KIRREL3: variants seen among roughly 807,000 people sequenced by gnomAD.
KIRREL3 encodes the protein kirre like nephrin family adhesion molecule 3, also known as kin of IRRE-like protein 3.
Under a neutral mutation model 89.7 loss-of-function variants are expected in KIRREL3, and 36 were observed. The ratio of observed to expected loss-of-function variants is 0.40; its 90% CI spans 0.31 to 0.53. The LOEUF (loss-of-function observed/expected upper bound fraction) is 0.53. Ranked by LOEUF, KIRREL3 falls within the 20% of genes least tolerant of loss-of-function variation. The pLI is 0.49. For synonymous variants in KIRREL3, 445 were observed against 441.4 expected, an observed-to-expected ratio of 1.01 and a Z score of -0.10; for missense variants, 864 against 1,056.6, an observed-to-expected ratio of 0.82 and a Z score of 2.53.
chr11:126,448,880 A>G, intron 8 of KIRREL3, 129 bp downstream of exon 8: 1 of 981,678 alleles, frequency 1.0e-6, no homozygotes, highest in Non-Finnish European at 1.4e-6. Flanking sequence ...CGTCGAGTGC[A>G]AACCATCCTA....
intron 1 of KIRREL3, among the ~76,000 whole-genome samples, chr11:126,585,525 C>T (rs1045821250): frequency 1.3e-5 from 2 of 152,222 alleles, no homozygotes; most frequent in African/African-American, 4.8e-5. Context: ...TGAGCCACCG[C>T]GCCCGGCCAG....
intron 1 of KIRREL3, among the ~76,000 whole-genome samples, chr11:126,846,241 C>G (rs1438406061): frequency 6.6e-6 from 1 of 152,044 alleles, no homozygotes; most frequent in Non-Finnish European, 1.5e-5. Flanking sequence ...TCCAGTTGTG[C>G]CTGCTTATTA....
rs548844789 is a variant in KIRREL3 at position 126,571,600 on chromosome 11, G to C, written c.56-8688C>G. On this transcript the variant is annotated intron_variant, in intron 1 of 16. Coordinates refer to ENST00000525144, the MANE Select transcript of KIRREL3 (RefSeq NM_032531.4). This position sits in a 1 kb window ranked among gnomAD's most constrained non-coding sequence, Gnocchi z 7.7. ...TTTATTCCTCATCAAAACTCTATAAGGTAAGTGCTGTTATTATTCCTATTT... is the reference window on the plus strand; with the variant it reads ...TTTATTCCTCATCAAAACTCTATAACGTAAGTGCTGTTATTATTCCTATTT... Among the ~76,000 whole-genome samples, 2 of 152,300 alleles carry C rather than the reference G, an allele frequency of 1.3e-5. No individual in the cohort carries two copies. The highest frequency in any genetic ancestry group is 4.1e-4 in the South Asian group (2 of 4,828).
At chr11:126,437,123 A>G (rs1955377853) in intron 11 of KIRREL3, 114 bp from the exon 12 acceptor site, 1 of 955,090 alleles carries the variant, frequency 1.0e-6, no homozygotes, top group East Asian at 2.7e-5. Flanking sequence ...GCCACACACT[A>G]ACACATGTGC....
intron 1 of KIRREL3, among the ~76,000 whole-genome samples, chr11:126,855,638 G>A (rs1944481363): frequency 1.3e-5 from 2 of 152,246 alleles, no homozygotes; most frequent in African/African-American, 4.8e-5. Flanking sequence ...GAGACTCAGT[G>A]AGAGGTGAGG....
Position 126,477,340 on chromosome 11 carries a change from G to A in KIRREL3, c.434-3874C>T, listed in dbSNP as rs1362319204. 1.3e-5 allele frequency among the ~76,000 whole-genome samples: 2 copies of A among 152,206 alleles called. No individual in the cohort carries two copies. Among genetic ancestry groups the A allele is most frequent in the Non-Finnish European group, 2.9e-5 (2 of 68,032 alleles). On this transcript the variant is annotated intron_variant, in intron 4 of 16. Coordinates refer to ENST00000525144, the MANE Select transcript of KIRREL3 (RefSeq NM_032531.4). The surrounding 1 kb of genome is among the most constrained non-coding windows in gnomAD (Gnocchi z 4.8). ...ACTTTGCCTTGTTTGGGTGGGCGGT[G>A]GGGGTACCCGTCCCTTTCCCTGTGT...
chr11:126,831,726 C>G (rs1421675644), intron 1 of KIRREL3, among the ~76,000 whole-genome samples: 1 of 152,014 alleles, frequency 6.6e-6, no homozygotes, highest in Non-Finnish European at 1.5e-5. Context: ...TTGAAGTATA[C>G]TTGGCCTATA....
chr11:126,477,274 G>A lies in KIRREL3; in HGVS notation c.434-3808C>T, dbSNP rs1042026864. 1.3e-5 allele frequency among the ~76,000 whole-genome samples: 2 copies of A among 152,260 alleles called. No individual in the cohort carries two copies. The highest frequency in any genetic ancestry group is 4.1e-4 in the South Asian group (2 of 4,836). On this transcript the variant is annotated intron_variant, in intron 4 of 16. Transcript: ENST00000525144. This position sits in a 1 kb window ranked among gnomAD's most constrained non-coding sequence, Gnocchi z 4.8. ...GCCAGGACTGGAGCAGGCAGCTTCA[G>A]TCTCCCTCCCTGCTCTGCCCCTACC...
Position 126,791,305 on chromosome 11 carries a change from G to T in KIRREL3, c.55+209150C>A, listed in dbSNP as rs1237466938. 6.6e-6 allele frequency among the ~76,000 whole-genome samples: 1 copy of T among 152,140 alleles called. No individual in the cohort carries two copies. Among genetic ancestry groups the T allele is most frequent in the Non-Finnish European group, 1.5e-5 (1 of 68,022 alleles). ...ATAGTTGAGGTATTAAATCGTAAAG[G>T]GAGGGCAGGTGTTATCATAATAGGA... On this transcript the variant is annotated intron_variant, in intron 1 of 16. Transcript: ENST00000525144. The surrounding 1 kb of genome is among the most constrained non-coding windows in gnomAD (Gnocchi z 4.8).
In KIRREL3 at chr11:126,473,304, C is replaced by T. The variant is rs1956975650; in HGVS notation, c.591+5G>A. The T allele has an allele frequency of 6.9e-7, 1 of 1,447,502 alleles. No homozygotes were observed. Among genetic ancestry groups the T allele is most frequent in the African/African-American group, 1.7e-5 (1 of 59,618 alleles). 89.7% of individuals were successfully genotyped at this position (1,447,502 alleles called of 1,614,324 possible). A position where few individuals can be genotyped will look rare whatever the true frequency, so the allele number is the denominator to read the frequency against. The stretch of plus-strand genomic sequence containing the variant: ...CACACCCACCCCCTCCCCTCCAGGC[C>T]TCACCTTGGAGTAGGTGGCCCCATT... On this transcript the variant is annotated splice_donor_5th_base_variant and intron_variant, in intron 5 of 16. Coordinates refer to ENST00000525144, the MANE Select transcript of KIRREL3 (RefSeq NM_032531.4).
At chr11:126,855,375 G>T (rs1474285508) in intron 1 of KIRREL3, among the ~76,000 whole-genome samples, 1 of 152,090 alleles carries the variant, frequency 6.6e-6, no homozygotes, top group East Asian at 1.9e-4. Context: ...CATCTAAGAC[G>T]TGCCTACTTT....
chr11:126,672,017 C>A (rs2135061167), intron 1 of KIRREL3, among the ~76,000 whole-genome samples: 1 of 152,288 alleles, frequency 6.6e-6, no homozygotes, highest in Non-Finnish European at 1.5e-5. Flanking sequence ...AAACTGGAAG[C>A]AACAAAGATG....
chr11:126,819,944 G>C (rs1187151932), intron 1 of KIRREL3, among the ~76,000 whole-genome samples: 1 of 152,212 alleles, frequency 6.6e-6, no homozygotes, highest in Non-Finnish European at 1.5e-5. Context: ...GGTTCCACTT[G>C]ATTACGGCTA....
intron 1 of KIRREL3, among the ~76,000 whole-genome samples, chr11:126,819,206 G>C (rs1421924237): frequency 6.6e-6 from 1 of 152,134 alleles, no homozygotes; most frequent in Non-Finnish European, 1.5e-5. Context: ...CTGAGGCGAC[G>C]GTCCGGTCAG....
intron 1 of KIRREL3, among the ~76,000 whole-genome samples, chr11:126,584,215 A>C (rs936390771): frequency 6.6e-6 from 1 of 152,208 alleles, no homozygotes; most frequent in African/African-American, 2.4e-5. Context: ...ACAGACATCA[A>C]CATAGCCTGG....
rs74993739 is a variant in KIRREL3 at position 126,579,692 on chromosome 11, C to A, written c.56-16780G>T. On this transcript the variant is annotated intron_variant, in intron 1 of 16. Transcript: ENST00000525144. The surrounding 1 kb of genome is among the most constrained non-coding windows in gnomAD (Gnocchi z 5.3). ...TTTGTATCTAGAGTTGCACCTGGATCTGGACAATGCTTCCAGGTTACCACT... is the reference window on the plus strand; with the variant it reads ...TTTGTATCTAGAGTTGCACCTGGATATGGACAATGCTTCCAGGTTACCACT... Among the ~76,000 whole-genome samples the A allele has an allele frequency of 0.018, 2,747 of 152,222 alleles. 70 individuals carry two copies. Among genetic ancestry groups the A allele is most frequent in the African/African-American group, 0.062 (2,572 of 41,516 alleles).
At chr11:126,672,555 G>A (rs912854198) in intron 1 of KIRREL3, among the ~76,000 whole-genome samples, 4 of 152,338 alleles carry the variant, frequency 2.6e-5, no homozygotes, top group African/African-American at 9.6e-5. Flanking sequence ...TGCCAGGGGC[G>A]TGGGCAGAGG....
intron 1 of KIRREL3, among the ~76,000 whole-genome samples, chr11:126,745,028 G>A (rs1949098033): frequency 6.6e-6 from 1 of 152,194 alleles, no homozygotes; most frequent in East Asian, 1.9e-4. Context: ...TAGAGGTCCA[G>A]TTTCAAGAGG....
At chr11:126,874,031 C>G (rs796577477) in intron 1 of KIRREL3, among the ~76,000 whole-genome samples, 1 of 152,194 alleles carries the variant, frequency 6.6e-6, no homozygotes, top group East Asian at 1.9e-4. Context: ...CTTTGCACCT[C>G]CCCTTCCTGT....
Sources: gnomAD v4.1 joint callset for allele counts (sites outside exome capture counted in the v4.1 genomes callset) on GRCh38, gnomAD v4.1.1 for gene constraint, Gnocchi (gnomAD v3.1) non-coding constraint, MANE v1.5 for transcripts, NCBI Gene and HGNC (gene_info 2026-07-23, HGNC 2026-07-21) for gene names.